AKAP6: variants seen among roughly 807,000 people sequenced by gnomAD.
AKAP6 encodes the protein A-kinase anchoring protein 6.
AKAP6 carries 58 observed loss-of-function variants against 188.5 expected under a neutral mutation model. That is an observed-to-expected ratio of 0.31 (90% CI 0.25 to 0.38). AKAP6 has a LOEUF of 0.38. AKAP6 is among the 10% of genes least tolerant of loss of function. AKAP6 has a pLI of 1.00. For missense variants in AKAP6, 2,710 were observed against 2,740.0 expected (o/e 0.99, Z 0.24); for synonymous variants, 989 against 998.6 (o/e 0.99, Z 0.18).
chr14:32,551,218 G>T (rs531627201), intron 4 of AKAP6, among the ~76,000 whole-genome samples: 3 of 152,190 alleles, frequency 2.0e-5, no homozygotes, highest in Non-Finnish European at 4.4e-5. Flanking sequence ...TCCTTCACCT[G>T]TTCCAAGTCT....
chr14:32,397,470 C>T (rs1888919975), intron 1 of AKAP6, among the ~76,000 whole-genome samples: 1 of 151,568 alleles, frequency 6.6e-6, no homozygotes, highest in Non-Finnish European at 1.5e-5. Context: ...CTCTGCCTCC[C>T]AGGTTCAAGT....
chr14:32,436,984 G>T (rs1446967249), intron 2 of AKAP6, among the ~76,000 whole-genome samples: 3 of 152,170 alleles, frequency 2.0e-5, no homozygotes, highest in East Asian at 3.9e-4. Flanking sequence ...CTTCCTATTG[G>T]ACTTACAATA....
chr14:32,596,207 A>T (rs1885696584), intron 5 of AKAP6, among the ~76,000 whole-genome samples: 1 of 152,122 alleles, frequency 6.6e-6, no homozygotes, highest in African/African-American at 2.4e-5. Context: ...TTGTACCAGG[A>T]TATCTGTTTC....
chr14:32,501,452 G>T (rs998409681), intron 2 of AKAP6, among the ~76,000 whole-genome samples: 3 of 152,070 alleles, frequency 2.0e-5, no homozygotes, highest in Admixed American at 6.6e-5. Context: ...AAGTTTTAAG[G>T]ATTCAACCTG....
chr14:32,458,282 G>T (rs1361211690), intron 2 of AKAP6, among the ~76,000 whole-genome samples: 1 of 152,090 alleles, frequency 6.6e-6, no homozygotes, highest in East Asian at 1.9e-4. Flanking sequence ...GCTGAGAGTT[G>T]TAATGTTGTC....
intron 8 of AKAP6, among the ~76,000 whole-genome samples, chr14:32,687,306 G>A (rs2139668333): frequency 6.6e-6 from 1 of 151,540 alleles, no homozygotes; most frequent in Middle Eastern, 3.4e-3. Flanking sequence ...AAATGAGAAG[G>A]GATATAATCA....
intron 1 of AKAP6, among the ~76,000 whole-genome samples, chr14:32,352,777 G>T (rs1887333063): frequency 6.6e-6 from 1 of 152,160 alleles, no homozygotes; most frequent in Non-Finnish European, 1.5e-5. Flanking sequence ...TTGCGTATGT[G>T]TACCACATTC....
At chr14:32,470,008 TA>T (rs901781412) in intron 2 of AKAP6, among the ~76,000 whole-genome samples, 4 of 152,268 alleles carry the variant, frequency 2.6e-5, no homozygotes, top group Non-Finnish European at 4.4e-5. Flanking sequence ...TATTAAGTGG[TA>T]AAACATCAAG....
chr14:32,449,165 A>G (rs1890850424), intron 2 of AKAP6, among the ~76,000 whole-genome samples: 1 of 152,188 alleles, frequency 6.6e-6, no homozygotes, highest in Admixed American at 6.5e-5. Context: ...TTAGGCATTA[A>G]AAATTAATGT....
rs557850790 is a variant in AKAP6 at position 32,560,232 on chromosome 14, A to G, written c.2346+13233A>G. On this transcript the variant is annotated intron_variant, in intron 4 of 13. Coordinates refer to ENST00000280979, the MANE Select transcript of AKAP6 (RefSeq NM_004274.5). The stretch of plus-strand genomic sequence containing the variant: ...TAAGGATAATAAAAATCTTTTGTGT[A>G]TATTTTATTTGTTGCAATGCCAGGA... Among the ~76,000 whole-genome samples, 8 of 152,268 alleles carry G rather than the reference A, an allele frequency of 5.3e-5. No homozygotes were observed. The East Asian group carries it at 1.3e-3, about 26-fold the overall frequency.
intron 8 of AKAP6, among the ~76,000 whole-genome samples, chr14:32,694,342 C>T (rs1890306934): frequency 7.1e-6 from 1 of 141,736 alleles, no homozygotes; most frequent in South Asian, 2.3e-4. Context: ...GCCTGGATAA[C>T]AGAGTGAGAC....
intron 1 of AKAP6, among the ~76,000 whole-genome samples, chr14:32,372,080 A>G (rs1347327175): frequency 6.6e-6 from 1 of 151,896 alleles, no homozygotes; most frequent in East Asian, 1.9e-4. Context: ...GAATGCTCCT[A>G]CAAGGGTCAG....
chr14:32,664,353 T>C (rs1945396282), intron 7 of AKAP6, among the ~76,000 whole-genome samples: 1 of 152,148 alleles, frequency 6.6e-6, no homozygotes, highest in Admixed American at 6.6e-5. Context: ...TGTGTGTGCA[T>C]GCTTGTGTGT....
At chr14:32,556,004 A>G (rs1883670673) in intron 4 of AKAP6, among the ~76,000 whole-genome samples, 2 of 150,768 alleles carry the variant, frequency 1.3e-5, no homozygotes, top group South Asian at 4.2e-4. Context: ...GATCATGTAT[A>G]TTTTTTGAGG....
intron 1 of AKAP6, among the ~76,000 whole-genome samples, chr14:32,348,933 T>C (rs2138438126): frequency 6.6e-6 from 1 of 152,318 alleles, no homozygotes; most frequent in African/African-American, 2.4e-5. Context: ...GATCTCTCAG[T>C]ACTCCCATCT....
chr14:32,439,323 C>A (rs531048265), intron 2 of AKAP6, among the ~76,000 whole-genome samples: 1 of 152,242 alleles, frequency 6.6e-6, no homozygotes, highest in Admixed American at 6.5e-5. Flanking sequence ...GTTGGAAGTC[C>A]AAGGATAATG....
At chr14:32,819,253 A>G (rs1408928274) in intron 12 of AKAP6, among the ~76,000 whole-genome samples, 2 of 152,206 alleles carry the variant, frequency 1.3e-5, no homozygotes, top group Non-Finnish European at 2.9e-5. Flanking sequence ...TAAGTAGGCT[A>G]TACAGATAAT....
chr14:32,775,781 C>A (rs2033042166), intron 12 of AKAP6, among the ~76,000 whole-genome samples: 1 of 152,140 alleles, frequency 6.6e-6, no homozygotes, highest in Non-Finnish European at 1.5e-5. Flanking sequence ...GCAACCCTGG[C>A]TGCTTCTTAA....
chr14:32,434,764 A>G (rs1281144289), intron 2 of AKAP6, among the ~76,000 whole-genome samples: 5 of 152,214 alleles, frequency 3.3e-5, no homozygotes, highest in African/African-American at 1.2e-4. Flanking sequence ...AAAGATGAGC[A>G]CTTAAAATGA....
Sources: gnomAD v4.1 joint callset for allele counts (sites outside exome capture counted in the v4.1 genomes callset) on GRCh38, gnomAD v4.1.1 for gene constraint, MANE v1.5 for transcripts, NCBI Gene and HGNC (gene_info 2026-07-23, HGNC 2026-07-21) for gene names.